Variants in CDC42 observed in about 807,000 individuals in gnomAD.
The protein encoded by CDC42 is cell division control protein 42 homolog.
Under a neutral mutation model 20.8 loss-of-function variants are expected in CDC42, and 1 was observed. That is an observed-to-expected ratio of 0.05 (90% CI 0.02 to 0.23). CDC42 has a LOEUF of 0.23. Ranked by LOEUF, CDC42 falls within the 10% of genes least tolerant of loss-of-function variation. CDC42 has a pLI of 1.00. For missense variants in CDC42, 49 were observed against 227.9 expected, an observed-to-expected ratio of 0.21 and a Z score of 5.05; for synonymous variants, 72 against 84.8, an observed-to-expected ratio of 0.85 and a Z score of 0.83.
intron 1 of CDC42, among the ~76,000 whole-genome samples, chr1:22,067,240 A>G (rs1236948342): frequency 6.6e-6 from 1 of 152,164 alleles, no homozygotes; most frequent in Non-Finnish European, 1.5e-5. Context: ...ACAGTTCTGC[A>G]TCCTGGGAAG....
At chr1:22,089,825 C>T (rs1645697704) in intron 5 of CDC42, 1 of 1,010,822 alleles carries the variant, frequency 9.9e-7, no homozygotes, top group South Asian at 1.9e-5. Flanking sequence ...TAGCGTTTTT[C>T]TTAAGGCACA....
At chr1:22,055,529 G>A (rs535419618) in intron 1 of CDC42, among the ~76,000 whole-genome samples, 5 of 146,158 alleles carry the variant, frequency 3.4e-5, no homozygotes, top group Admixed American at 6.9e-5. Context: ...TTACTCTGTC[G>A]CCCAGGCTAG....
intron 3 of CDC42, among the ~76,000 whole-genome samples, chr1:22,083,262 T>A (rs1375386527): frequency 6.6e-6 from 1 of 152,132 alleles, no homozygotes; most frequent in African/African-American, 2.4e-5. Context: ...GCCTTTACAT[T>A]TTCTGGCGAG....
chr1:22,070,356 G>T (rs1432875621), intron 1 of CDC42, among the ~76,000 whole-genome samples: 1 of 151,028 alleles, frequency 6.6e-6, no homozygotes, highest in Non-Finnish European at 1.5e-5. Flanking sequence ...GCAAGCATTA[G>T]GTCATAGCCT....
intron 1 of CDC42, among the ~76,000 whole-genome samples, chr1:22,059,034 C>T (rs1645334631): frequency 6.7e-6 from 1 of 149,648 alleles, no homozygotes; most frequent in Non-Finnish European, 1.5e-5. Flanking sequence ...TTATGTTGCC[C>T]AGGTTGTTCT....
chr1:22,069,150 T>C lies in CDC42; in HGVS notation c.-50-9279T>C, dbSNP rs35817918. 9.1e-3 allele frequency among the ~76,000 whole-genome samples: 1,376 copies of C among 150,836 alleles called. 26 individuals are homozygous for C. Among genetic ancestry groups the C allele is most frequent in the African/African-American group, 0.032 (1,315 of 41,010 alleles). ...TGAGTATTTTGAGGAAAACATCTTA[T>C]TGTAATCTCCATTTTATTCCTTTTT... On this transcript the variant is annotated intron_variant, in intron 1 of 5. Coordinates refer to ENST00000656825, the MANE Select transcript of CDC42 (RefSeq NM_001791.4).
chr1:22,081,807 T>C lies in CDC42; in HGVS notation c.178+13T>C, dbSNP rs1484666171. The C allele has an allele frequency of 6.5e-7, 1 of 1,531,352 alleles. No homozygotes were observed. The highest frequency in any genetic ancestry group is 1.4e-5 in the African/African-American group (1 of 73,244). 94.9% of individuals were successfully genotyped at this position (1,531,352 alleles called of 1,614,324 possible). A position where few individuals can be genotyped will look rare whatever the true frequency, so the allele number is the denominator to read the frequency against. On this transcript the variant is annotated intron_variant, in intron 3 of 5. Coordinates refer to ENST00000656825, the MANE Select transcript of CDC42 (RefSeq NM_001791.4). ...TTTGATACTGCAGGTGAAAACTTAA[T>C]GTCTTTTATACTGTTTTGATCTTTA... is the stretch of plus-strand genomic sequence containing the variant.
intron 1 of CDC42, among the ~76,000 whole-genome samples, chr1:22,069,598 A>C (rs902260778): frequency 7.0e-6 from 1 of 143,564 alleles, no homozygotes; most frequent in Non-Finnish European, 1.5e-5. Context: ...TTGGGACTAC[A>C]GGCACATGCC....
rs1645769644 is a variant in CDC42 at position 22,098,232 on chromosome 1, G to A, written c.*6715G>A. Among the ~76,000 whole-genome samples, 1 of 152,130 alleles carries A rather than the reference G, an allele frequency of 6.6e-6. No individual in the cohort carries two copies. Among genetic ancestry groups the A allele is most frequent in the Non-Finnish European group, 1.5e-5 (1 of 68,028 alleles). On this transcript the variant is annotated 3_prime_UTR_variant, in exon 6 of 6. Coordinates refer to ENST00000656825, the MANE Select transcript of CDC42 (RefSeq NM_001791.4). ...CTAACAACGTGCCCTTTGGCAGGTA[G>A]CTTCCACTTTTCTGGCCTCATTATC...
At chr1:22,089,919 T>C (rs936185104) in intron 5 of CDC42, 1 of 1,610,242 alleles carries the variant, frequency 6.2e-7, no homozygotes, top group Non-Finnish European at 8.5e-7. Context: ...GCTGCTATTC[T>C]CTCTCCTCCC....
intron 1 of CDC42, chr1:22,059,391 A>G (rs980802648): frequency 6.6e-6 from 1 of 152,238 alleles, no homozygotes; most frequent in Non-Finnish European, 1.5e-5. Flanking sequence ...CATATTCATT[A>G]TGAAAACTTA....
chr1:22,075,260 T>C (rs558136617), intron 1 of CDC42, among the ~76,000 whole-genome samples: 2 of 152,344 alleles, frequency 1.3e-5, no homozygotes, highest in South Asian at 4.1e-4. Context: ...ACATGCCAAA[T>C]GCTTTGCAGA....
At chr1:22,072,091 CTTTTTTTTTTTTTT>C (rs55929932) in intron 1 of CDC42, among the ~76,000 whole-genome samples, 1 of 70,810 alleles carries the variant, frequency 1.4e-5, no homozygotes, top group African/African-American at 6.0e-5. Flanking sequence ...TTTTACTTAC[CTTTTTTTTTTTTTT>C]TTTTTTTTTT....
Position 22,056,630 on chromosome 1 carries a change from T to TCTG in CDC42, c.-51+3903_-51+3905dup, listed in dbSNP as rs796211506. On this transcript the variant is annotated intron_variant, in intron 1 of 5. Transcript: ENST00000656825. The stretch of plus-strand genomic sequence containing the variant: ...TTCATTACTTGCCATTTCAGCTACC[T>TCTG]CTGCTGCTGCTGCTGCTATTTTAAG... 1.9e-4 allele frequency among the ~76,000 whole-genome samples: 29 copies of TCTG among 152,332 alleles called. 1 individual carries two copies. The highest frequency in any genetic ancestry group is 4.3e-4 in the African/African-American group (18 of 41,582).
At chr1:22,091,403 A>G (rs749598608) in intron 5 of CDC42, 25 bp from the exon 6 acceptor site, 1 of 1,500,044 alleles carries the variant, frequency 6.7e-7, no homozygotes, top group Non-Finnish European at 9.2e-7. Context: ...CAGACCGCCC[A>G]TTTTTTCTTT....
At chr1:22,082,965 C>T (rs981854077) in intron 3 of CDC42, among the ~76,000 whole-genome samples, 3 of 150,910 alleles carry the variant, frequency 2.0e-5, no homozygotes, top group Admixed American at 6.6e-5. Flanking sequence ...CCGCAACCTC[C>T]GCCTCCCAGG....
At chr1:22,075,307 C>T (rs1367048541) in intron 1 of CDC42, among the ~76,000 whole-genome samples, 1 of 152,170 alleles carries the variant, frequency 6.6e-6, no homozygotes, top group Non-Finnish European at 1.5e-5. Flanking sequence ...AAATGACCAT[C>T]TTTGTAATGG....
At chr1:22,078,925 A>C in intron 2 of CDC42, 2 of 1,123,012 alleles carry the variant, frequency 1.8e-6, no homozygotes, top group Non-Finnish European at 2.3e-6. Flanking sequence ...CCAATTATTG[A>C]TCAGTACTTG....
chr1:22,090,381 A>G, intron 5 of CDC42: 1 of 1,012,910 alleles, frequency 9.9e-7, no homozygotes, highest in Non-Finnish European at 1.2e-6. Flanking sequence ...TTAGTTCTAG[A>G]TGGAGAAAGT....
Sources: gnomAD v4.1 joint callset for allele counts (sites outside exome capture counted in the v4.1 genomes callset) on GRCh38, gnomAD v4.1.1 for gene constraint, MANE v1.5 for transcripts, NCBI Gene and HGNC (gene_info 2026-07-23, HGNC 2026-07-21) for gene names.